Variants in TRAPPC12 observed in about 807,000 individuals in gnomAD.
TRAPPC12 encodes trafficking protein particle complex subunit 12, also known as TPR repeat protein 15.
In TRAPPC12, 61 loss-of-function variants were observed where a neutral mutation model predicts 69.2. The ratio of observed to expected loss-of-function variants is 0.88; its 90% confidence interval spans 0.72 to 1.09. The LOEUF is 1.09. Among genes scored for constraint, TRAPPC12 ranks in the 50% least tolerant of loss-of-function variants. The probability of loss-of-function intolerance (pLI) is 0.00; values close to 1 mark genes in which losing one functional copy is unlikely to be tolerated. For missense variants in TRAPPC12, 1,101 were observed against 1,016.4 expected (o/e 1.08, Z -1.13); for synonymous variants, 469 against 438.9 (o/e 1.07, Z -0.86).
At chr2:3,459,055 A>G (rs1665337469) in intron 7 of TRAPPC12, among the ~76,000 whole-genome samples, 1 of 152,260 alleles carries the variant, frequency 6.6e-6, no homozygotes. Context: ...TGTTCTCCTG[A>G]AGCACACCGT....
chr2:3,393,362 A>G lies in TRAPPC12; in HGVS notation c.1047+4692A>G, dbSNP rs1033832145. 8.5e-5 allele frequency among the ~76,000 whole-genome samples: 13 copies of G among 152,268 alleles called. No individual in the cohort carries two copies. In the East Asian group the frequency reaches 9.6e-4, roughly 11 times the overall value. Reference sequence around the variant, plus strand: ...GAGGGGCATGGGGAGATGTTACTCAAAGGGTACAGAGCTTCATTTATGCAA... The same window carrying G: ...GAGGGGCATGGGGAGATGTTACTCAGAGGGTACAGAGCTTCATTTATGCAA... On this transcript the variant is annotated intron_variant, in intron 2 of 11. Transcript: ENST00000324266.
chr2:3,443,959 T>C lies in TRAPPC12; in HGVS notation c.1530+68T>C, dbSNP rs965640481. 5.7e-6 allele frequency: 7 copies of C among 1,217,754 alleles called. No homozygotes were observed. The Admixed American group carries it at 7.6e-5, about 13-fold the overall frequency. 75.4% of individuals were successfully genotyped at this position (1,217,754 alleles called of 1,614,324 possible). On this transcript the variant is annotated intron_variant, in intron 6 of 11. Transcript: ENST00000324266. Reference sequence around the variant, plus strand: ...CCCTCCACGCCCTCCCCACAGGACATGCCCGTGCTGTTCCCTGCCCGTCCT... The same window carrying C: ...CCCTCCACGCCCTCCCCACAGGACACGCCCGTGCTGTTCCCTGCCCGTCCT...
chr2:3,390,321 A>T (rs1004956689), intron 2 of TRAPPC12, among the ~76,000 whole-genome samples: 6 of 152,254 alleles, frequency 3.9e-5, no homozygotes, highest in Non-Finnish European at 5.9e-5. Flanking sequence ...CAGTACAAAC[A>T]TATTTAAGTA....
chr2:3,382,811 C>G (rs1234280729), intron 1 of TRAPPC12, among the ~76,000 whole-genome samples: 1 of 152,214 alleles, frequency 6.6e-6, no homozygotes, highest in Non-Finnish European at 1.5e-5. Flanking sequence ...GTAGTCCCAG[C>G]TACTCCAGAG....
chr2:3,418,452 G>A (rs1037062462), intron 3 of TRAPPC12, among the ~76,000 whole-genome samples: 72 of 152,332 alleles, frequency 4.7e-4, no homozygotes, highest in Non-Finnish European at 3.8e-4. Flanking sequence ...GAAGTCAACA[G>A]AAATGAACTA....
At chr2:3,455,920 G>T (rs926028029) in intron 6 of TRAPPC12, 10 of 152,130 alleles carry the variant, frequency 6.6e-5, no homozygotes, top group African/African-American at 2.2e-4. Context: ...TTTTTTTGTA[G>T]AAACCTCAAA....
At chr2:3,448,175 C>T (rs1430692233) in intron 6 of TRAPPC12, among the ~76,000 whole-genome samples, 1 of 152,154 alleles carries the variant, frequency 6.6e-6, no homozygotes, top group East Asian at 1.9e-4. Flanking sequence ...GGAAAGTGGC[C>T]TCAGGGAGGT....
At chr2:3,469,515 G>C (rs933429715) in intron 9 of TRAPPC12, among the ~76,000 whole-genome samples, 1 of 152,178 alleles carries the variant, frequency 6.6e-6, no homozygotes, top group Non-Finnish European at 1.5e-5. Flanking sequence ...CTTCATGAGG[G>C]CCCAGAGACA....
intron 3 of TRAPPC12, among the ~76,000 whole-genome samples, chr2:3,411,560 A>G (rs1429282578): frequency 6.6e-6 from 1 of 152,270 alleles, no homozygotes; most frequent in East Asian, 1.9e-4. Context: ...CATAGTGTGC[A>G]TGTATGAAGA....
intron 2 of TRAPPC12, among the ~76,000 whole-genome samples, chr2:3,395,648 C>T (rs1294420655): frequency 2.6e-5 from 4 of 151,144 alleles, no homozygotes; most frequent in African/African-American, 2.4e-5. Context: ...CTGCAACCTC[C>T]GCCTCCCAGG....
In TRAPPC12 at chr2:3,421,139, G is replaced by A. The variant is rs115424926; in HGVS notation, c.1165-742G>A. On this transcript the variant is annotated intron_variant, in intron 3 of 11. Coordinates refer to ENST00000324266, the MANE Select transcript of TRAPPC12 (RefSeq NM_016030.6). The stretch of plus-strand genomic sequence containing the variant: ...GTTACATTGAGAAAAGACAGAGTGA[G>A]CATCCACTTTTAGCTTCTTAAAAGG... Among the ~76,000 whole-genome samples, 859 of 152,312 alleles carry A rather than the reference G, an allele frequency of 5.6e-3. 1 individual carries two copies. The highest frequency in any genetic ancestry group is 9.3e-3 in the Non-Finnish European group (635 of 68,024).
chr2:3,387,798 G>T lies in TRAPPC12; in HGVS notation c.175G>T (p.Ala59Ser), dbSNP rs191638734. Residue 59 changes from alanine to serine, a missense_variant, in exon 2 of 12, where the codon GCG becomes TCG. Ala to Ser is a moderately conservative substitution (Grantham distance 99). Transcript: ENST00000324266. The part of the protein sequence containing the change: ...ETASEGSSPL[A>S]DKLNEHMMES... ...CGCATCGGAAGGCTCGAGTCCTCTC[G>T]CGGACAAGCTGAACGAACACATGAT... is the stretch of plus-strand genomic sequence containing the variant. 2 of 1,613,412 alleles carry T rather than the reference G, an allele frequency of 1.2e-6. No homozygotes were observed. Among genetic ancestry groups the T allele is most frequent in the African/African-American group, 2.7e-5 (2 of 74,918 alleles).
At chr2:3,383,756 G>A (rs1660342378) in intron 1 of TRAPPC12, among the ~76,000 whole-genome samples, 1 of 151,734 alleles carries the variant, frequency 6.6e-6, no homozygotes, top group South Asian at 2.1e-4. Context: ...TCTGTGGTGA[G>A]ACAAGATTCC....
rs1441519804 is a variant in TRAPPC12 at position 3,379,730 on chromosome 2, G to T, written c.-151G>T. On this transcript the variant is annotated 5_prime_UTR_variant, in exon 1 of 12. Coordinates refer to ENST00000324266, the MANE Select transcript of TRAPPC12 (RefSeq NM_016030.6). Reference sequence around the variant, plus strand: ...CTGCATCGGGCCTGAGCAGAACTAGGCGCGCCGCGGCCCGGCACGCGCAGG... The same window carrying T: ...CTGCATCGGGCCTGAGCAGAACTAGTCGCGCCGCGGCCCGGCACGCGCAGG... The T allele has an allele frequency of 6.6e-6, 1 of 152,318 alleles. No individual in the cohort carries two copies. Among genetic ancestry groups the T allele is most frequent in the African/African-American group, 2.4e-5 (1 of 41,464 alleles). The allele number at this position is 152,318 out of a possible 1,614,324, so 9.4% of individuals were successfully genotyped here. A position where few individuals can be genotyped will look rare whatever the true frequency, so the allele number is the denominator to read the frequency against.
At chr2:3,432,642 T>C (rs1028107568) in intron 5 of TRAPPC12, among the ~76,000 whole-genome samples, 1 of 152,280 alleles carries the variant, frequency 6.6e-6, no homozygotes, top group Non-Finnish European at 1.5e-5. Context: ...GTTGGACATG[T>C]GATCGCTGCT....
intron 5 of TRAPPC12, among the ~76,000 whole-genome samples, chr2:3,436,258 A>G (rs1284969934): frequency 6.6e-6 from 1 of 152,186 alleles, no homozygotes; most frequent in African/African-American, 2.4e-5. Context: ...TTAAGTCTCA[A>G]TTTGAGATCC....
chr2:3,416,491 T>A (rs1233716071), intron 3 of TRAPPC12, among the ~76,000 whole-genome samples: 1 of 66,676 alleles, frequency 1.5e-5, no homozygotes, highest in African/African-American at 6.3e-5. Context: ...CACTGTGCCC[T>A]CCCCCTACCC....
chr2:3,464,595 C>T (rs536371679), intron 8 of TRAPPC12, among the ~76,000 whole-genome samples: 4 of 152,334 alleles, frequency 2.6e-5, no homozygotes, highest in South Asian at 4.1e-4. Flanking sequence ...TAGCTAAGTG[C>T]GAGAATGCAG....
At chr2:3,382,676 G>C (rs1660272233) in intron 1 of TRAPPC12, among the ~76,000 whole-genome samples, 3 of 152,184 alleles carry the variant, frequency 2.0e-5, no homozygotes, top group African/African-American at 7.2e-5. Context: ...TGTAATCTCA[G>C]CACTTTGGGA....
Sources: gnomAD v4.1 joint callset for allele counts (sites outside exome capture counted in the v4.1 genomes callset) on GRCh38, gnomAD v4.1.1 for gene constraint, MANE v1.5 for transcripts, NCBI Gene and HGNC (gene_info 2026-07-23, HGNC 2026-07-21) for gene names.